The following DLGAP1 variants were observed in gnomAD, a reference collection of about 807,000 sequenced individuals.
DLGAP1 encodes the protein disks large-associated protein 1.
In DLGAP1, 11 loss-of-function variants were observed where a neutral mutation model predicts 90.8. The observed-to-expected ratio is 0.12, with a 90% CI of 0.08 to 0.20. The LOEUF is 0.20. Among genes scored for constraint, DLGAP1 ranks in the 10% least tolerant of loss-of-function variants. The probability of loss-of-function intolerance (pLI) is 1.00; values close to 1 mark genes in which losing one functional copy is unlikely to be tolerated. For synonymous variants in DLGAP1, 558 were observed against 540.7 expected, an observed-to-expected ratio of 1.03 and a Z score of -0.44; for missense variants, 1,050 against 1,333.8, an observed-to-expected ratio of 0.79 and a Z score of 3.31.
At chr18:3,966,563 T>C (rs891281778) in intron 3 of DLGAP1, among the ~76,000 whole-genome samples, 33 of 152,038 alleles carry the variant, frequency 2.2e-4, no homozygotes, top group African/African-American at 7.7e-4. Context: ...AGAAACTGTT[T>C]GGGAGCCAAA....
At chr18:3,813,847 G>A (rs1000507784) in intron 5 of DLGAP1, among the ~76,000 whole-genome samples, 3 of 151,938 alleles carry the variant, frequency 2.0e-5, no homozygotes, top group African/African-American at 4.8e-5. Context: ...GAGATGAGGG[G>A]TTCAGCTTAT....
At chr18:3,607,901 T>G (rs1281125456) in intron 7 of DLGAP1, 2 of 152,182 alleles carry the variant, frequency 1.3e-5, no homozygotes, top group Non-Finnish European at 2.9e-5. Context: ...TGGATGGGAA[T>G]GTTCTGGGAA....
intron 3 of DLGAP1, among the ~76,000 whole-genome samples, chr18:3,894,480 G>T (rs993979016): frequency 1.3e-5 from 2 of 152,098 alleles, no homozygotes; most frequent in Admixed American, 1.3e-4. Flanking sequence ...CCTTTCCCCA[G>T]TGTATGTTTT....
At chr18:3,705,982 A>AATTT (rs756153378) in intron 7 of DLGAP1, among the ~76,000 whole-genome samples, 2 of 127,290 alleles carry the variant, frequency 1.6e-5, no homozygotes, top group African/African-American at 5.9e-5. Context: ...TTAATGGTGC[A>AATTT]TTTTTTTTTT....
At chr18:4,357,403 C>G (rs1166097579) in intron 1 of DLGAP1, among the ~76,000 whole-genome samples, 2 of 152,128 alleles carry the variant, frequency 1.3e-5, no homozygotes, top group East Asian at 1.9e-4. Context: ...ATCCACCCGC[C>G]TCGGCCTCCC....
chr18:4,266,638 A>T (rs1456246372), intron 1 of DLGAP1, among the ~76,000 whole-genome samples: 2 of 152,224 alleles, frequency 1.3e-5, no homozygotes, highest in African/African-American at 4.8e-5. Context: ...GCAAATTTCT[A>T]TCTAAAGACA....
intron 7 of DLGAP1, among the ~76,000 whole-genome samples, chr18:3,605,944 G>C (rs2057305923): frequency 2.0e-5 from 3 of 152,098 alleles, no homozygotes; most frequent in Non-Finnish European, 4.4e-5. Flanking sequence ...GAAGAAATAG[G>C]AGACTTCAAA....
At chr18:3,995,456 A>C (rs765793073) in intron 3 of DLGAP1, 5 of 152,190 alleles carry the variant, frequency 3.3e-5, no homozygotes, top group Non-Finnish European at 5.9e-5. Flanking sequence ...AAATTCCGTA[A>C]GAAAGACCTT....
intron 2 of DLGAP1, among the ~76,000 whole-genome samples, chr18:4,085,270 T>G (rs2075666061): frequency 6.6e-6 from 1 of 151,986 alleles, no homozygotes; most frequent in Non-Finnish European, 1.5e-5. Flanking sequence ...AGAAAAAAAA[T>G]GTGGGTGGTC....
At chr18:4,123,491 C>G (rs1419127651) in intron 2 of DLGAP1, among the ~76,000 whole-genome samples, 6 of 152,096 alleles carry the variant, frequency 3.9e-5, no homozygotes, top group Non-Finnish European at 1.5e-5. Context: ...GACTGTGGGA[C>G]AGAAACAATG....
At chr18:3,822,140 T>G (rs2067457095) in intron 4 of DLGAP1, 4 of 335,736 alleles carry the variant, frequency 1.2e-5, no homozygotes, top group African/African-American at 9.0e-5. Flanking sequence ...CCGCCCTTTC[T>G]TACTCCCCTG....
intron 9 of DLGAP1, among the ~76,000 whole-genome samples, chr18:3,558,668 A>G (rs1420871260): frequency 6.6e-6 from 1 of 152,162 alleles, no homozygotes; most frequent in Non-Finnish European, 1.5e-5. Flanking sequence ...GCTCTGTCTG[A>G]GATTAATATT....
At chr18:3,561,230 A>G (rs2054073995) in intron 9 of DLGAP1, among the ~76,000 whole-genome samples, 1 of 146,412 alleles carries the variant, frequency 6.8e-6, no homozygotes, top group Non-Finnish European at 1.5e-5. Flanking sequence ...AGCCTGTTCA[A>G]CATGGTGAAA....
intron 7 of DLGAP1, among the ~76,000 whole-genome samples, chr18:3,599,132 T>C (rs1432763062): frequency 6.6e-6 from 1 of 152,186 alleles, no homozygotes; most frequent in Non-Finnish European, 1.5e-5. Context: ...CAAAATTAAA[T>C]AAAAACAGTC....
intron 1 of DLGAP1, among the ~76,000 whole-genome samples, chr18:4,309,534 C>T (rs918424090): frequency 2.0e-5 from 3 of 151,928 alleles, no homozygotes; most frequent in South Asian, 2.1e-4. Flanking sequence ...CTATCTTCCC[C>T]GAAACTTTAA....
chr18:3,936,183 T>G (rs1180455929), intron 3 of DLGAP1, among the ~76,000 whole-genome samples: 2 of 152,144 alleles, frequency 1.3e-5, no homozygotes, highest in Non-Finnish European at 2.9e-5. Context: ...GCACAGACAA[T>G]AAGAGTATTT....
At chr18:4,096,428 A>G (rs942155766) in intron 2 of DLGAP1, among the ~76,000 whole-genome samples, 13 of 152,074 alleles carry the variant, frequency 8.5e-5, no homozygotes, top group African/African-American at 3.1e-4. Context: ...TAAACCCACC[A>G]TATTTTATCA....
At position 3,498,742 on chromosome 18, in the gene DLGAP1, A is replaced by G. The variant is rs2049778140; in HGVS notation, c.*443T>C. Reference sequence around the variant, plus strand: ...GGGAAATAAAGGGAATCGGAGGCCTAGTTTCTTTCACGTGGAAGACGGTAA... The same window carrying G: ...GGGAAATAAAGGGAATCGGAGGCCTGGTTTCTTTCACGTGGAAGACGGTAA... On this transcript the variant is annotated 3_prime_UTR_variant, in exon 13 of 13. Transcript: ENST00000315677. 1 of 160,288 alleles carries G rather than the reference A, an allele frequency of 6.2e-6. No homozygotes were observed. Among genetic ancestry groups the G allele is most frequent in the African/African-American group, 2.4e-5 (1 of 41,792 alleles). The allele number at this position is 160,288 out of a possible 1,614,324, so 9.9% of individuals were successfully genotyped here.
chr18:4,390,151 C>A (rs1233086171), intron 1 of DLGAP1, among the ~76,000 whole-genome samples: 3 of 128,268 alleles, frequency 2.3e-5, no homozygotes, highest in African/African-American at 8.3e-5. Flanking sequence ...CATGTTGGCC[C>A]ATAACAAATT....
Sources: allele counts gnomAD v4.1 joint callset (sites outside exome capture counted in the v4.1 genomes callset), GRCh38; gene constraint gnomAD v4.1.1; transcripts MANE v1.5; gene names NCBI Gene and HGNC (gene_info 2026-07-23, HGNC 2026-07-21).